Variants in C9orf85 observed in about 807,000 individuals in gnomAD.
C9orf85 encodes uncharacterized protein C9orf85.
A neutral mutation model predicts 14.9 loss-of-function variants in C9orf85; 16 were observed. The ratio of observed to expected loss-of-function variants is 1.08; its 90% CI spans 0.73 to 1.63. C9orf85 has a LOEUF of 1.63. Ranked by LOEUF, C9orf85 falls within the 40% of genes most tolerant of loss-of-function variation. The pLI, the probability that C9orf85 is intolerant of heterozygous loss-of-function variation, is 0.00. For synonymous variants in C9orf85, 45 were observed against 56.8 expected, an observed-to-expected ratio of 0.79 and a Z score of 0.93; for missense variants, 172 against 186.1, an observed-to-expected ratio of 0.92 and a Z score of 0.44.
intron 1 of C9orf85, among the ~76,000 whole-genome samples, chr9:71,917,693 C>A (rs932817043): frequency 1.7e-4 from 26 of 152,112 alleles, no homozygotes; most frequent in African/African-American, 4.8e-4. Context: ...GGGAAACAAA[C>A]CAGATACAAA....
At chr9:71,930,589 G>T (rs918329259) in intron 1 of C9orf85, among the ~76,000 whole-genome samples, 1 of 151,174 alleles carries the variant, frequency 6.6e-6, no homozygotes, top group Non-Finnish European at 1.5e-5. Flanking sequence ...GAGCCCCAGG[G>T]GTTGGAGGCC....
chr9:71,913,585 C>T (rs1827572137), intron 1 of C9orf85, among the ~76,000 whole-genome samples: 1 of 152,144 alleles, frequency 6.6e-6, no homozygotes, highest in African/African-American at 2.4e-5. Flanking sequence ...CAAGTTTGCT[C>T]CCATTATCAA....
At chr9:71,963,684 C>T (rs1223447483) in intron 2 of C9orf85, among the ~76,000 whole-genome samples, 1 of 152,238 alleles carries the variant, frequency 6.6e-6, no homozygotes, top group East Asian at 1.9e-4. Context: ...AGCACCCAGG[C>T]CAGCGGCTGC....
chr9:71,926,634 G>GA (rs58407244), intron 1 of C9orf85, among the ~76,000 whole-genome samples: 55 of 115,820 alleles, frequency 4.7e-4, no homozygotes, highest in Admixed American at 1.4e-3. Flanking sequence ...CACTGCTGTT[G>GA]AAAAAAAAAA....
chr9:71,964,811 G>T lies in C9orf85; in HGVS notation c.210-6694G>T, dbSNP rs190562042. Among the ~76,000 whole-genome samples the T allele has an allele frequency of 7.9e-3, 1,210 of 152,326 alleles. 6 individuals are homozygous for T. The highest frequency in any genetic ancestry group is 0.014 in the Non-Finnish European group (939 of 68,030). ...AAGGAATGAAATCTTGGGCCATGTGGTGAGTGTTATAGCTCTACTAGAAGC... is the reference window on the plus strand; with the variant it reads ...AAGGAATGAAATCTTGGGCCATGTGTTGAGTGTTATAGCTCTACTAGAAGC... On this transcript the variant is annotated intron_variant, in intron 2 of 3. Transcript: ENST00000334731.
chr9:71,979,552 C>G (rs1823059340), intron 3 of C9orf85, among the ~76,000 whole-genome samples: 2 of 152,120 alleles, frequency 1.3e-5, no homozygotes, highest in African/African-American at 2.4e-5. Flanking sequence ...AAGCAAACCC[C>G]TCCAATGAAA....
chr9:71,915,667 GT>G (rs1184167444), intron 1 of C9orf85, among the ~76,000 whole-genome samples: 1 of 152,146 alleles, frequency 6.6e-6, no homozygotes, highest in East Asian at 1.9e-4. Flanking sequence ...TCTGTTCCCA[GT>G]TTTAGTCCTG....
intron 1 of C9orf85, among the ~76,000 whole-genome samples, chr9:71,912,789 C>T (rs953655799): frequency 2.6e-5 from 4 of 152,118 alleles, no homozygotes; most frequent in Non-Finnish European, 5.9e-5. Context: ...GAGGCTGAGG[C>T]AGGGGAATCG....
chr9:71,953,917 A>G (rs1226662369), intron 2 of C9orf85, among the ~76,000 whole-genome samples: 1 of 152,052 alleles, frequency 6.6e-6, no homozygotes, highest in African/African-American at 2.4e-5. Context: ...TGGGCAACAT[A>G]GCAAGACCTC....
At chr9:71,940,667 C>T (rs909734542) in intron 1 of C9orf85, among the ~76,000 whole-genome samples, 1 of 152,040 alleles carries the variant, frequency 6.6e-6, no homozygotes, top group Non-Finnish European at 1.5e-5. Context: ...CATTGAAAAA[C>T]TAATAGTTTC....
At chr9:71,958,217 A>AATAT (rs957141772) in intron 2 of C9orf85, among the ~76,000 whole-genome samples, 39 of 144,514 alleles carry the variant, frequency 2.7e-4, no homozygotes, top group African/African-American at 9.8e-4. Flanking sequence ...AGGTAATTAA[A>AATAT]ATATATATAT....
At chr9:71,944,303 CATGT>C (rs1822026736) in intron 1 of C9orf85, among the ~76,000 whole-genome samples, 1 of 151,542 alleles carries the variant, frequency 6.6e-6, no homozygotes, top group African/African-American at 2.4e-5. Context: ...ATTAAGTAGG[CATGT>C]TTTTTGATGT....
chr9:71,953,190 G>T (rs1036743808), intron 2 of C9orf85, among the ~76,000 whole-genome samples: 1 of 152,152 alleles, frequency 6.6e-6, no homozygotes, highest in Non-Finnish European at 1.5e-5. Context: ...GAGTGTCTTG[G>T]TTGAGAAGCC....
At chr9:71,975,691 G>A (rs991002771), downstream of C9orf85, among the ~76,000 whole-genome samples, 1 of 151,656 alleles carries the variant, frequency 6.6e-6, no homozygotes, top group Non-Finnish European at 1.5e-5. Context: ...AATTAACCAC[G>A]CCTGGTGGCG....
chr9:71,985,249 A>G (rs926597544), downstream of C9orf85: 1 of 152,198 alleles, frequency 6.6e-6, no homozygotes, highest in African/African-American at 2.4e-5. Flanking sequence ...CCAAGCTTAG[A>G]TATATCTGAT....
chr9:71,964,303 AAGC>A lies in C9orf85; in HGVS notation c.210-7199_210-7197del, dbSNP rs551742253. Among the ~76,000 whole-genome samples the A allele has an allele frequency of 5.1e-3, 777 of 152,052 alleles. 7 individuals are homozygous for A. The highest frequency in any genetic ancestry group is 0.017 in the African/African-American group (708 of 41,484). On this transcript the variant is annotated intron_variant, in intron 2 of 3. Transcript: ENST00000334731. ...TGGGTGGGGCCAGAGAAGAGAATAA[AAGC>A]AGGCTGCCCCAGCCAGCAGTGGCAA...
chr9:71,974,514 A>T (rs1822968343), downstream of C9orf85, among the ~76,000 whole-genome samples: 1 of 152,176 alleles, frequency 6.6e-6, no homozygotes, highest in African/African-American at 2.4e-5. Flanking sequence ...AAATGCTGGA[A>T]TTACAGACAT....
At chr9:71,922,065 C>T (rs894786182) in intron 1 of C9orf85, among the ~76,000 whole-genome samples, 4 of 151,888 alleles carry the variant, frequency 2.6e-5, no homozygotes, top group Non-Finnish European at 4.4e-5. Context: ...CTCAGCCTCC[C>T]GAGTAGCTAG....
downstream of C9orf85, among the ~76,000 whole-genome samples, chr9:71,977,420 T>G (rs1414166440): frequency 6.6e-6 from 1 of 152,238 alleles, no homozygotes; most frequent in Non-Finnish European, 1.5e-5. Context: ...TAGTGAAGGC[T>G]TATCAATTTG....
Sources: gnomAD v4.1 joint callset for allele counts (sites outside exome capture counted in the v4.1 genomes callset) on GRCh38, gnomAD v4.1.1 for gene constraint, MANE v1.5 for transcripts, NCBI Gene and HGNC (gene_info 2026-07-23, HGNC 2026-07-21) for gene names.